The following TMOD2 variants were observed in gnomAD, a reference collection of about 807,000 sequenced individuals.
TMOD2 encodes tropomodulin 2, also known as tropomodulin-2.
Under a neutral mutation model 39.9 loss-of-function variants are expected in TMOD2, and 22 were observed. That is an observed-to-expected ratio of 0.55 (90% CI 0.39 to 0.79). The LOEUF (loss-of-function observed/expected upper bound fraction) is 0.79, where lower values mean the gene tolerates loss of function less well. Ranked by LOEUF, TMOD2 falls within the 30% of genes least tolerant of loss-of-function variation. The probability of loss-of-function intolerance (pLI) is 0.00; values close to 1 mark genes in which losing one functional copy is unlikely to be tolerated. For synonymous variants in TMOD2, 123 were observed against 146.1 expected (o/e 0.84, Z 1.14); for missense variants, 386 against 413.3 (o/e 0.93, Z 0.57).
At chr15:51,790,651 C>T (rs1031836980) in intron 7 of TMOD2, among the ~76,000 whole-genome samples, 2 of 152,198 alleles carry the variant, frequency 1.3e-5, no homozygotes, top group African/African-American at 4.8e-5. Flanking sequence ...AAAAGCTTAT[C>T]CACTATGATC....
At chr15:51,778,507 T>TAAAAA (rs34176952) in intron 5 of TMOD2, among the ~76,000 whole-genome samples, 1 of 138,936 alleles carries the variant, frequency 7.2e-6, no homozygotes, top group Non-Finnish European at 1.6e-5. Flanking sequence ...AATTAAAAAT[T>TAAAAA]AAAAAAAAAA....
chr15:51,808,301 T>C (rs753159298), intron 9 of TMOD2, 119 bp from the exon 10 acceptor site: 1 of 709,766 alleles, frequency 1.4e-6, no homozygotes, highest in East Asian at 2.7e-5. Flanking sequence ...GTATTAAAAT[T>C]TAAGATAACT....
chr15:51,778,221 G>C (rs2141624519), intron 5 of TMOD2, among the ~76,000 whole-genome samples: 1 of 151,320 alleles, frequency 6.6e-6, no homozygotes, highest in East Asian at 2.0e-4. Context: ...ATCATTCTCA[G>C]TAAACTATCT....
chr15:51,803,511 C>T (rs1426422406), intron 8 of TMOD2, among the ~76,000 whole-genome samples: 21 of 152,150 alleles, frequency 1.4e-4, no homozygotes, highest in Admixed American at 7.9e-4. Flanking sequence ...AAATTCATTC[C>T]AGATGAAATG....
rs555573893 is a variant in TMOD2 at position 51,798,172 on chromosome 15, G to GT, written c.733-17dup. ...TTTAGAAATTCTAACTTAATTCTAA[G>GT]TTTTTTTTCTTTTTGCATCATAAGG... is the stretch of plus-strand genomic sequence containing the variant. On this transcript the variant is annotated intron_variant, in intron 7 of 9. Coordinates refer to ENST00000249700, the MANE Select transcript of TMOD2 (RefSeq NM_014548.4). The GT allele has an allele frequency of 2.8e-4, 439 of 1,562,736 alleles. 3 individuals are homozygous for GT. Among genetic ancestry groups the GT allele is most frequent in the South Asian group, 2.4e-3 (196 of 82,768 alleles).
rs144069518 is a variant in TMOD2 at position 51,806,396 on chromosome 15, C to T, written c.896C>T (p.Ala299Val). 3.7e-6 allele frequency: 6 copies of T among 1,614,062 alleles called. No homozygotes were observed. The African/African-American group carries it at 6.7e-5, about 18-fold the overall frequency. ...IDNQRQQLGT[A>V]VEMEIAQMLE... ...AACCAGAGGCAGCAGTTGGGAACAG[C>T]TGTAGAGATGGAAATTGCCCAGATG... Residue 299 changes from alanine (A) to valine (V), a missense_variant, in exon 9 of 10, where the codon GCT becomes GTT. Transcript: ENST00000249700.
intron 6 of TMOD2, among the ~76,000 whole-genome samples, chr15:51,781,827 T>A (rs373673701): frequency 4.4e-4 from 53 of 119,282 alleles, no homozygotes; most frequent in Admixed American, 1.8e-3. Flanking sequence ...AGAGAGAGTG[T>A]GTGTGTGTGT....
intron 6 of TMOD2, among the ~76,000 whole-genome samples, chr15:51,782,349 C>A (rs1222838603): frequency 6.6e-6 from 1 of 152,112 alleles, no homozygotes; most frequent in Non-Finnish European, 1.5e-5. Context: ...AAGGGGAAAG[C>A]ATATATAAAG....
At chr15:51,768,146 T>G in intron 2 of TMOD2, 116 bp from the exon 3 acceptor site, 1 of 1,222,712 alleles carries the variant, frequency 8.2e-7, no homozygotes, top group Non-Finnish European at 1.2e-6. Flanking sequence ...ACACGCACAT[T>G]CTGCGTAGGT....
intron 8 of TMOD2, among the ~76,000 whole-genome samples, chr15:51,801,298 C>G (rs1462457071): frequency 6.6e-6 from 1 of 151,488 alleles, no homozygotes; most frequent in African/African-American, 2.4e-5. Flanking sequence ...GTCTCTCTCT[C>G]TCTCTCTCTC....
At position 51,814,020 on chromosome 15, in the gene TMOD2, T is replaced by C. The variant is rs1244136124; in HGVS notation, c.*5566T>C. The C allele has an allele frequency of 6.6e-6, 1 of 152,194 alleles. No individual in the cohort carries two copies. Among genetic ancestry groups the C allele is most frequent in the African/African-American group, 2.4e-5 (1 of 41,416 alleles). The allele number at this position is 152,194 out of a possible 1,614,324, so 9.4% of individuals were successfully genotyped here. ...ATGTAGAGGTGGGAGAGGTGGTTGA[T>C]GGGGCAGTGGAAGTTAGATACCAGC... On this transcript the variant is annotated 3_prime_UTR_variant, in exon 10 of 10. Coordinates refer to ENST00000249700, the MANE Select transcript of TMOD2 (RefSeq NM_014548.4).
intron 9 of TMOD2, 75 bp downstream of exon 9, chr15:51,806,596 T>G (rs1299900178): frequency 1.9e-6 from 3 of 1,548,416 alleles, no homozygotes; most frequent in Non-Finnish European, 8.8e-7. Context: ...AGACGCAGCA[T>G]CTCACAGATA....
At chr15:51,762,160 AAAAT>A (rs1257864719) in intron 1 of TMOD2, among the ~76,000 whole-genome samples, 1 of 151,852 alleles carries the variant, frequency 6.6e-6, no homozygotes, top group African/African-American at 2.4e-5. Flanking sequence ...AAAAAAAAAA[AAAAT>A]ACAAATTTTT....
At chr15:51,768,459 TC>T (rs1807089987) in intron 3 of TMOD2, 41 bp downstream of exon 3, 25 of 1,499,276 alleles carry the variant, frequency 1.7e-5, no homozygotes, top group Admixed American at 2.5e-5. Flanking sequence ...AGAGGTTCTC[TC>T]TTTTTTTTTT....
chr15:51,793,068 A>C (rs979184634), intron 7 of TMOD2, among the ~76,000 whole-genome samples: 1 of 152,194 alleles, frequency 6.6e-6, no homozygotes, highest in African/African-American at 2.4e-5. Flanking sequence ...ATAAATTTAA[A>C]TTATTTAGTA....
At chr15:51,787,085 A>G (rs1228302253) in intron 7 of TMOD2, among the ~76,000 whole-genome samples, 1 of 152,200 alleles carries the variant, frequency 6.6e-6, no homozygotes, top group Non-Finnish European at 1.5e-5. Context: ...AAGAGAAGCC[A>G]TGAGTGACTG....
intron 1 of TMOD2, among the ~76,000 whole-genome samples, chr15:51,758,796 G>A (rs1369284592): frequency 6.6e-6 from 1 of 152,168 alleles, no homozygotes; most frequent in Non-Finnish European, 1.5e-5. Context: ...TGAGACCAGG[G>A]GATGAGTAGG....
chr15:51,787,980 A>T (rs2055982539), intron 7 of TMOD2, among the ~76,000 whole-genome samples: 1 of 152,224 alleles, frequency 6.6e-6, no homozygotes, highest in Non-Finnish European at 1.5e-5. Context: ...CCAGCAAGGG[A>T]ACAAAACTGG....
intron 3 of TMOD2, among the ~76,000 whole-genome samples, chr15:51,771,301 A>G (rs8024088): frequency 0.48 from 72,645 of 152,056 alleles, 17,648 homozygotes; most frequent in Admixed American, 0.54. Flanking sequence ...GCGGGAGGCT[A>G]CTATGAGGTC....
Sources: allele counts gnomAD v4.1 joint callset (sites outside exome capture counted in the v4.1 genomes callset), GRCh38; gene constraint gnomAD v4.1.1; transcripts MANE v1.5; gene names NCBI Gene and HGNC (gene_info 2026-07-23, HGNC 2026-07-21).